The following RARG variants were observed in gnomAD, a reference collection of about 807,000 sequenced individuals.
RARG encodes retinoic acid receptor gamma.
Under a neutral mutation model 43.7 loss-of-function variants are expected in RARG, and 17 were observed. The ratio of observed to expected loss-of-function variants is 0.39; its 90% confidence interval spans 0.27 to 0.58. The LOEUF (loss-of-function observed/expected upper bound fraction) is 0.58, where lower values mean the gene tolerates loss of function less well. RARG is among the 20% of genes least tolerant of loss of function. RARG has a pLI of 0.57. For missense variants in RARG, 346 were observed against 598.7 expected (o/e 0.58, Z 4.40); for synonymous variants, 238 against 236.4 (o/e 1.01, Z -0.06).
Position 53,211,820 on chromosome 12 carries a change from C to T in RARG, c.1221G>A (p.Pro407=), listed in dbSNP as rs774041125. Reference sequence around the variant, plus strand: ...GCATCTCTCGGATTAAGGGAGGCATCGGGCCTGGAATCTCCATCTTCAGAG... The same window carrying T: ...GCATCTCTCGGATTAAGGGAGGCATTGGGCCTGGAATCTCCATCTTCAGAG... ...AITLKMEIPG[P]MPPLIREMLE... The change falls in exon 10 of 10, where the codon CCG becomes CCA. Residue 407 remains proline, a synonymous_variant. Transcript: ENST00000425354. The surrounding 1 kb of genome is among the most constrained non-coding windows in gnomAD (Gnocchi z 4.6). 1.4e-5 allele frequency: 22 copies of T among 1,535,262 alleles called. No individual in the cohort carries two copies. Among genetic ancestry groups the T allele is most frequent in the Admixed American group, 6.3e-5 (3 of 47,980 alleles).
chr12:53,213,913 G>T lies in RARG; in HGVS notation c.813+146C>A. The T allele has an allele frequency of 8.8e-7, 1 of 1,137,130 alleles. No individual in the cohort carries two copies. The highest frequency in any genetic ancestry group is 1.3e-6 in the Non-Finnish European group (1 of 792,536). 70.4% of individuals were successfully genotyped at this position (1,137,130 alleles called of 1,614,324 possible). ...AAAAGTCTAGGATCAGGTCATAGGG[G>T]CAGAGGCTAAGACGAAAAGAGAGCT... On this transcript the variant is annotated intron_variant, in intron 7 of 9. Coordinates refer to ENST00000425354, the MANE Select transcript of RARG (RefSeq NM_000966.6). This position sits in a 1 kb window ranked among gnomAD's most constrained non-coding sequence, Gnocchi z 4.7.
rs1942674196 is a variant in RARG, at chr12:53,213,683, T to G, written c.831A>C (p.Thr277=). 1 of 1,612,586 alleles carries G rather than the reference T, an allele frequency of 6.2e-7. No individual in the cohort carries two copies. Among genetic ancestry groups the G allele is most frequent in the South Asian group, 1.1e-5 (1 of 91,026 alleles). ...CLDILMLRIC[T]RYTPEQDTMT... ...TGGTGTCCTGCTCTGGGGTGTACCT[T>G]GTGCAGATACGCAGCATCTGGAGGT... The change falls in exon 8 of 10, where the codon ACA becomes ACC. Residue 277 remains threonine, a synonymous_variant. Transcript: ENST00000425354. This position sits in a 1 kb window ranked among gnomAD's most constrained non-coding sequence, Gnocchi z 4.7.
chr12:53,217,854 C>T (rs1419786805), intron 3 of RARG, among the ~76,000 whole-genome samples: 3 of 152,178 alleles, frequency 2.0e-5, no homozygotes, highest in African/African-American at 7.2e-5. Flanking sequence ...TCTTTATAAC[C>T]GGCTGTAAAC....
chr12:53,218,163 C>T (rs1015836047), intron 3 of RARG, among the ~76,000 whole-genome samples: 3 of 152,072 alleles, frequency 2.0e-5, no homozygotes, highest in African/African-American at 4.8e-5. Flanking sequence ...AGCCTGCCAA[C>T]GCAGCACCAG....
Position 53,215,391 on chromosome 12 carries a change from C to CA in RARG, c.376dup (p.Cys126LeufsTer38), listed in dbSNP as rs1322371011. On this transcript the variant is annotated frameshift_variant, in exon 5 of 10. Coordinates refer to ENST00000425354, the MANE Select transcript of RARG (RefSeq NM_000966.6). LOFTEE classifies it high-confidence loss of function. This position sits in a 1 kb window ranked among gnomAD's most constrained non-coding sequence, Gnocchi z 6.4. The stretch of plus-strand genomic sequence containing the variant: ...GATGATACAGTTTTTGTCGCGGTGA[C>CA]ACGTGTACACCATGTTCTTCTGGAT... The CA allele has an allele frequency of 6.2e-7, 1 of 1,614,120 alleles. No homozygotes were observed. Among genetic ancestry groups the CA allele is most frequent in the Non-Finnish European group, 8.5e-7 (1 of 1,180,002 alleles).
Position 53,213,029 on chromosome 12 carries a change from C to T in RARG, c.1177+56G>A, listed in dbSNP as rs1942648975. 6.5e-7 allele frequency: 1 copy of T among 1,539,042 alleles called. No individual in the cohort carries two copies. The highest frequency in any genetic ancestry group is 1.2e-5 in the South Asian group (1 of 81,788). ...TGTCTCTGTGTGTCCTCCTGTCCGA[C>T]CTGGGAGACCAACAGCCCTGGGAAG... On this transcript the variant is annotated intron_variant, in intron 9 of 9. Coordinates refer to ENST00000425354, the MANE Select transcript of RARG (RefSeq NM_000966.6). This position sits in a 1 kb window ranked among gnomAD's most constrained non-coding sequence, Gnocchi z 4.7.
chr12:53,220,291 C>A, intron 3 of RARG: 1 of 1,246,754 alleles, frequency 8.0e-7, no homozygotes. Flanking sequence ...AGGGACTGGG[C>A]GGGGCGCGAA....
At chr12:53,219,127 G>A (rs74088998) in intron 3 of RARG, among the ~76,000 whole-genome samples, 7,593 of 152,188 alleles carry the variant, frequency 0.05, 592 homozygotes, top group African/African-American at 0.17. Context: ...AATGGTGCTC[G>A]CCCTGCCGCT....
rs1339486490 is a variant in RARG, at chr12:53,211,171, C to G, written c.*505G>C. The G allele has an allele frequency of 2.6e-5, 4 of 153,176 alleles. No individual in the cohort carries two copies. The highest frequency in any genetic ancestry group is 7.2e-5 in the African/African-American group (3 of 41,478). The allele number at this position is 153,176 out of a possible 1,614,324, so 9.5% of individuals were successfully genotyped here. On this transcript the variant is annotated 3_prime_UTR_variant, in exon 10 of 10. Transcript: ENST00000425354. This position sits in a 1 kb window ranked among gnomAD's most constrained non-coding sequence, Gnocchi z 4.6. ...AGGGCCCAGCCTGCCCCCACCTTGA[C>G]CTGGCACAAGGACGGGGCACAGAGG...
At chr12:53,231,812 G>A (rs1029468517) in intron 1 of RARG, among the ~76,000 whole-genome samples, 162 bp downstream of exon 1, 12 of 152,248 alleles carry the variant, frequency 7.9e-5, no homozygotes, top group African/African-American at 2.9e-4. Flanking sequence ...CAGCAGGACT[G>A]GCCTGGGTCG....
At chr12:53,217,610 G>A (rs977620469) in intron 3 of RARG, among the ~76,000 whole-genome samples, 1 of 152,174 alleles carries the variant, frequency 6.6e-6, no homozygotes, top group Non-Finnish European at 1.5e-5. Context: ...GCAGCCTAGT[G>A]GCTCCGAGGT....
chr12:53,217,371 T>C (rs550796972), intron 3 of RARG, among the ~76,000 whole-genome samples: 4 of 152,292 alleles, frequency 2.6e-5, no homozygotes, highest in African/African-American at 9.6e-5. Flanking sequence ...AGGGCACGTG[T>C]TCTGCCCAAG....
intron 5 of RARG, chr12:53,214,825 G>A (rs1045033214): frequency 7.7e-6 from 4 of 521,200 alleles, no homozygotes; most frequent in South Asian, 6.5e-5. Context: ...TCCTTCCCCA[G>A]GCCATTCGGC....
At chr12:53,214,859 C>T (rs979630966) in intron 5 of RARG, 1 of 465,024 alleles carries the variant, frequency 2.2e-6, no homozygotes, top group Non-Finnish European at 3.8e-6. Context: ...TCCTGTCACC[C>T]TGCAGGAGCT....
intron 3 of RARG, among the ~76,000 whole-genome samples, chr12:53,222,451 C>CA (rs1943000857): frequency 6.6e-6 from 1 of 152,164 alleles, no homozygotes; most frequent in Non-Finnish European, 1.5e-5. Flanking sequence ...CAGTACCCCC[C>CA]TTCCCCCTCA....
chr12:53,226,675 G>T (rs925713588), intron 3 of RARG, among the ~76,000 whole-genome samples: 1 of 149,334 alleles, frequency 6.7e-6, no homozygotes, highest in Admixed American at 6.7e-5. Context: ...GCAGTGGCAA[G>T]ATCTTGGCTC....
chr12:53,217,311 C>A (rs980251918), intron 3 of RARG, among the ~76,000 whole-genome samples: 2 of 152,128 alleles, frequency 1.3e-5, no homozygotes, highest in Non-Finnish European at 2.9e-5. Flanking sequence ...AGGGCTGGAA[C>A]GCCTTTCCCA....
chr12:53,212,983 G>A, intron 9 of RARG, 102 bp downstream of exon 9: 1 of 1,298,790 alleles, frequency 7.7e-7, no homozygotes, highest in Non-Finnish European at 1.0e-6. Context: ...TAGATTGCCT[G>A]GTTCTCAACT....
Position 53,214,484 on chromosome 12 carries a change from T to A in RARG, c.598A>T (p.Thr200Ser). Reference protein sequence around the residue: ...ITKVSKAHQETFPSLCQLGKY... With the variant: ...ITKVSKAHQESFPSLCQLGKY... ...CCCAGCTGGCAGAGCGAGGGGAAAG[T>A]CTCCTGATGGGCTTTGCTGACCTTG... The change falls in exon 6 of 10, where the codon ACT (threonine) becomes TCT (serine). Residue 200 changes from threonine (T) to serine (S), a missense_variant. Thr to Ser is a moderately conservative substitution (Grantham distance 58). Transcript: ENST00000425354. The A allele has an allele frequency of 6.2e-7, 1 of 1,613,538 alleles. No individual in the cohort carries two copies. Among genetic ancestry groups the A allele is most frequent in the Non-Finnish European group, 8.5e-7 (1 of 1,179,536 alleles).
Sources: gnomAD v4.1 joint callset for allele counts (sites outside exome capture counted in the v4.1 genomes callset) on GRCh38, gnomAD v4.1.1 for gene constraint, Gnocchi (gnomAD v3.1) non-coding constraint, MANE v1.5 for transcripts, NCBI Gene and HGNC (gene_info 2026-07-23, HGNC 2026-07-21) for gene names.